The following EPN1 variants were observed in gnomAD, a reference collection of about 807,000 sequenced individuals.
The protein encoded by EPN1 is epsin 1.
EPN1 carries 25 observed loss-of-function variants against 56.9 expected under a neutral mutation model. That is an observed-to-expected ratio of 0.44 (90% CI 0.32 to 0.61). EPN1 has a LOEUF of 0.61. EPN1 is among the 20% of genes least tolerant of loss of function. The pLI, the probability that EPN1 is intolerant of heterozygous loss-of-function variation, is 0.05. For synonymous variants in EPN1, 411 were observed against 361.8 expected, an observed-to-expected ratio of 1.14 and a Z score of -1.54; for missense variants, 785 against 823.7, an observed-to-expected ratio of 0.95 and a Z score of 0.58.
At position 55,707,437 on chromosome 19, in the gene EPN1, C is replaced by A. The variant is rs1206066377; in HGVS notation, c.*12081C>A. ...CAGGGGTATGTTCTCCATGTTGAGC[C>A]CCTTCTGTGGAATATGACAGTGTCT... On this transcript the variant is annotated 3_prime_UTR_variant, in exon 11 of 11. Transcript: ENST00000270460. The A allele has an allele frequency of 6.6e-6, 1 of 152,360 alleles. No individual in the cohort carries two copies. The highest frequency in any genetic ancestry group is 1.5e-5 in the Non-Finnish European group (1 of 68,198). 9.4% of individuals were successfully genotyped at this position (152,360 alleles called of 1,614,324 possible). A position where few individuals can be genotyped will look rare whatever the true frequency, so the allele number is the denominator to read the frequency against.
chr19:55,692,333 C>T (rs974594154), intron 7 of EPN1, among the ~76,000 whole-genome samples: 9 of 147,888 alleles, frequency 6.1e-5, no homozygotes, highest in African/African-American at 2.0e-4. Flanking sequence ...GCGTGTGTGA[C>T]GTAGGCATCT....
rs923766554 is a variant in EPN1 at position 55,696,169 on chromosome 19, C to T, written c.*813C>T. The stretch of plus-strand genomic sequence containing the variant: ...GGGCCCACCGCAAGCATCACTAATC[C>T]ATCCCTGCACTCCTGGAAAGCCGGG... On this transcript the variant is annotated 3_prime_UTR_variant, in exon 11 of 11. Coordinates refer to ENST00000270460, the MANE Select transcript of EPN1 (RefSeq NM_001130072.2). The T allele has an allele frequency of 1.3e-5, 2 of 152,336 alleles. No individual in the cohort carries two copies. The highest frequency in any genetic ancestry group is 4.8e-5 in the African/African-American group (2 of 41,450). The allele number at this position is 152,336 out of a possible 1,614,324, so 9.4% of individuals were successfully genotyped here.
intron 2 of EPN1, among the ~76,000 whole-genome samples, chr19:55,682,203 C>T (rs1339193194): frequency 6.6e-6 from 1 of 152,208 alleles, no homozygotes; most frequent in African/African-American, 2.4e-5. Flanking sequence ...CGCATGTGGA[C>T]ACCTGTGTAG....
intron 9 of EPN1, 144 bp downstream of exon 9, chr19:55,693,181 A>G (rs1457869960): frequency 1.6e-6 from 1 of 635,028 alleles, no homozygotes. Flanking sequence ...AGAGTGGGCC[A>G]GAACCATCCA....
chr19:55,697,023 C>T lies in EPN1; in HGVS notation c.*1667C>T, dbSNP rs538539261. 1.3e-5 allele frequency: 2 copies of T among 152,286 alleles called. No individual in the cohort carries two copies. Among genetic ancestry groups the T allele is most frequent in the African/African-American group, 4.8e-5 (2 of 41,548 alleles). 9.4% of individuals were successfully genotyped at this position (152,286 alleles called of 1,614,324 possible). ...CAGGAACTTTGGGGTCAGCCGGTTC[C>T]AGATTCAGTTGCAGAGGAGCATCCC... On this transcript the variant is annotated 3_prime_UTR_variant, in exon 11 of 11. Transcript: ENST00000270460.
chr19:55,692,895 TG>T, intron 8 of EPN1, 55 bp from the exon 9 acceptor site: 2 of 1,600,214 alleles, frequency 1.2e-6, no homozygotes, highest in Admixed American at 3.4e-5. Context: ...GGACTGGAGG[TG>T]GGGGCTGAGG....
chr19:55,688,405 G>A (rs924193005), intron 3 of EPN1, among the ~76,000 whole-genome samples: 1 of 152,044 alleles, frequency 6.6e-6, no homozygotes, highest in Non-Finnish European at 1.5e-5. Flanking sequence ...CTTGGATCCC[G>A]CTGTCTCAAT....
intron 2 of EPN1, among the ~76,000 whole-genome samples, chr19:55,683,699 C>T (rs1985979564): frequency 6.6e-6 from 1 of 152,216 alleles, no homozygotes; most frequent in African/African-American, 2.4e-5. Flanking sequence ...GCTGTGTGAG[C>T]GTGCCATAGT....
At position 55,707,562 on chromosome 19, in the gene EPN1, C is replaced by G. The variant is rs769302924; in HGVS notation, c.*12206C>G. Reference sequence around the variant, plus strand: ...TAGCCAGCTCTTCAGTTCAGACCACCTGGAAACCCTCCCCATGTCTTTTCA... The same window carrying G: ...TAGCCAGCTCTTCAGTTCAGACCACGTGGAAACCCTCCCCATGTCTTTTCA... On this transcript the variant is annotated 3_prime_UTR_variant, in exon 11 of 11. Transcript: ENST00000270460. The G allele has an allele frequency of 1.9e-5, 3 of 154,412 alleles. No individual in the cohort carries two copies. The highest frequency in any genetic ancestry group is 7.2e-5 in the African/African-American group (3 of 41,516). 9.6% of individuals were successfully genotyped at this position (154,412 alleles called of 1,614,324 possible). A position where few individuals can be genotyped will look rare whatever the true frequency, so the allele number is the denominator to read the frequency against.
At chr19:55,685,320 G>C in intron 2 of EPN1, 76 bp from the exon 3 acceptor site, 1 of 1,536,652 alleles carries the variant, frequency 6.5e-7, no homozygotes, top group Non-Finnish European at 8.8e-7. Flanking sequence ...GGCCGCCCCA[G>C]AGCCCGCGTC....
At position 55,693,083 on chromosome 19, in the gene EPN1, C is replaced by G; in HGVS notation, c.1264+46C>G. ...GCCCAGTGGCGAGAGGGAGCCTCCC[C>G]TAGCTCTTCGGGAGCCCCGTCCCTT... On this transcript the variant is annotated intron_variant, in intron 9 of 10. Transcript: ENST00000270460. 3 of 1,574,050 alleles carry G rather than the reference C, an allele frequency of 1.9e-6. No homozygotes were observed. In the African/African-American group the frequency reaches 4.0e-5, roughly 21 times the overall value.
intron 1 of EPN1, chr19:55,676,916 A>G (rs1251644937): frequency 7.1e-6 from 3 of 425,158 alleles, no homozygotes; most frequent in Admixed American, 4.0e-5. Context: ...TTTCTGTCAG[A>G]ACTGTCTTCT....
intron 6 of EPN1, among the ~76,000 whole-genome samples, chr19:55,690,499 G>A (rs911034502): frequency 6.6e-6 from 1 of 152,220 alleles, no homozygotes; most frequent in Non-Finnish European, 1.5e-5. Flanking sequence ...TGACGGGCCC[G>A]CTGGCTGGTT....
At chr19:55,681,011 G>A (rs908727077) in intron 2 of EPN1, among the ~76,000 whole-genome samples, 9 of 152,242 alleles carry the variant, frequency 5.9e-5, no homozygotes, top group Admixed American at 2.0e-4. Flanking sequence ...GCCCAGAGAC[G>A]GGGGAGGTGG....
rs1239113742 is a variant in EPN1, at chr19:55,695,021, T to G, written c.1522+38T>G. The G allele has an allele frequency of 6.4e-7, 1 of 1,563,806 alleles. No homozygotes were observed. Among genetic ancestry groups the G allele is most frequent in the Admixed American group, 1.9e-5 (1 of 53,216 alleles). On this transcript the variant is annotated intron_variant, in intron 10 of 10. Transcript: ENST00000270460. The surrounding 1 kb of genome is among the most constrained non-coding windows in gnomAD (Gnocchi z 4.4). ...CCATCACCTGCTCAAGTCCTTCCTG[T>G]GGGTTCCACCAGAGGAGGTGCCTCA...
intron 2 of EPN1, among the ~76,000 whole-genome samples, chr19:55,683,388 G>A (rs1398679342): frequency 6.6e-6 from 1 of 152,018 alleles, no homozygotes; most frequent in Non-Finnish European, 1.5e-5. Context: ...GTCTCACTCT[G>A]TCTCCCAGGC....
At chr19:55,678,474 T>G (rs770936438) in intron 1 of EPN1, 53 bp from the exon 2 acceptor site, 8 of 1,482,944 alleles carry the variant, frequency 5.4e-6, no homozygotes, top group Non-Finnish European at 7.2e-6. Context: ...CCCTGAGGGC[T>G]CTGGGCAGGC....
Position 55,691,685 on chromosome 19 carries a change from C to G in EPN1, c.763-69C>G. 1 of 1,473,460 alleles carries G rather than the reference C, an allele frequency of 6.8e-7. No homozygotes were observed. The highest frequency in any genetic ancestry group is 9.3e-7 in the Non-Finnish European group (1 of 1,070,594). 91.3% of individuals were successfully genotyped at this position (1,473,460 alleles called of 1,614,324 possible). A position where few individuals can be genotyped will look rare whatever the true frequency, so the allele number is the denominator to read the frequency against. ...CCTGGCCGCCTCCCCCGCCACGGGC[C>G]CCAGCTTGGTCCCTGTCCCAGGCTT... On this transcript the variant is annotated intron_variant, in intron 6 of 10. Transcript: ENST00000270460. The surrounding 1 kb of genome is among the most constrained non-coding windows in gnomAD (Gnocchi z 5.6).
rs1271417365 is a variant in EPN1 at position 55,705,798 on chromosome 19, G to A, written c.*10442G>A. On this transcript the variant is annotated 3_prime_UTR_variant, in exon 11 of 11. Coordinates refer to ENST00000270460, the MANE Select transcript of EPN1 (RefSeq NM_001130072.2). ...TACTGACATTGTGGCTGGAATATTT[G>A]TTGTTGTGGGATATATATATATATA... 3.6e-5 allele frequency: 3 copies of A among 84,184 alleles called. No individual in the cohort carries two copies. Among genetic ancestry groups the A allele is most frequent in the African/African-American group, 2.0e-4 (3 of 15,334 alleles). The allele number at this position is 84,184 out of a possible 1,614,324, so 5.2% of individuals were successfully genotyped here. A position where few individuals can be genotyped will look rare whatever the true frequency, so the allele number is the denominator to read the frequency against.
Sources: allele counts gnomAD v4.1 joint callset (sites outside exome capture counted in the v4.1 genomes callset), GRCh38; gene constraint gnomAD v4.1.1; non-coding constraint Gnocchi (gnomAD v3.1); transcripts MANE v1.5; gene names NCBI Gene and HGNC (gene_info 2026-07-23, HGNC 2026-07-21).